Variants in HDHD2 observed in about 807,000 individuals in gnomAD.
HDHD2 encodes haloacid dehalogenase-like hydrolase domain-containing protein 2.
HDHD2 carries 26 observed loss-of-function variants against 24.8 expected under a neutral mutation model. The observed-to-expected ratio is 1.05, with a 90% CI of 0.77 to 1.45. The LOEUF (loss-of-function observed/expected upper bound fraction) is 1.45, where lower values mean the gene tolerates loss of function less well. HDHD2 is among the 40% of genes most tolerant of loss of function. The pLI is 0.00. For missense variants in HDHD2, 299 were observed against 313.4 expected (o/e 0.95, Z 0.35); for synonymous variants, 128 against 114.9 (o/e 1.11, Z -0.73).
At chr18:47,135,718 T>C (rs1028098514) in intron 2 of HDHD2, among the ~76,000 whole-genome samples, 1 of 152,220 alleles carries the variant, frequency 6.6e-6, no homozygotes, top group South Asian at 2.1e-4. Context: ...TGTGATTAGT[T>C]GATTTTTTTT....
In HDHD2 at chr18:47,121,904, G is replaced by A. The variant is rs568923761; in HGVS notation, c.396-6556C>T. On this transcript the variant is annotated intron_variant, in intron 4 of 6. Transcript: ENST00000300605. ...TCTTCCACTCATTTGTCAGGTTTCA[G>A]CTTAAATGTCAGCAAATCAAAGAAG... Among the ~76,000 whole-genome samples the A allele has an allele frequency of 5.3e-5, 8 of 152,222 alleles. No individual in the cohort carries two copies. The South Asian group carries it at 8.3e-4, about 16-fold the overall frequency.
chr18:47,149,729 T>C (rs2063910816), intron 1 of HDHD2, among the ~76,000 whole-genome samples: 1 of 152,124 alleles, frequency 6.6e-6, no homozygotes, highest in Non-Finnish European at 1.5e-5. Flanking sequence ...TGGGTCCAAC[T>C]CCTTTTCTCC....
In HDHD2 at chr18:47,108,096, G is replaced by C. The variant is rs1257311592; in HGVS notation, c.*586C>G. On this transcript the variant is annotated 3_prime_UTR_variant, in exon 7 of 7. Coordinates refer to ENST00000300605, the MANE Select transcript of HDHD2 (RefSeq NM_032124.5). Reference sequence around the variant, plus strand: ...CATCTCTGGCTAATGAAGAGAAAAAGAAGTCACCCGTGCTGGGAATACAGT... The same window carrying C: ...CATCTCTGGCTAATGAAGAGAAAAACAAGTCACCCGTGCTGGGAATACAGT... 1 of 152,600 alleles carries C rather than the reference G, an allele frequency of 6.6e-6. No homozygotes were observed. Among genetic ancestry groups the C allele is most frequent in the Admixed American group, 6.5e-5 (1 of 15,280 alleles). The allele number at this position is 152,600 out of a possible 1,614,324, so 9.5% of individuals were successfully genotyped here. A position where few individuals can be genotyped will look rare whatever the true frequency, so the allele number is the denominator to read the frequency against.
Position 47,134,338 on chromosome 18 carries a change from G to C in HDHD2, c.310+158C>G, listed in dbSNP as rs2063742515. 1.1e-5 allele frequency: 7 copies of C among 633,328 alleles called. No homozygotes were observed. The East Asian group carries it at 1.9e-4, about 17-fold the overall frequency. The allele number at this position is 633,328 out of a possible 1,614,324, so 39.2% of individuals were successfully genotyped here. A position where few individuals can be genotyped will look rare whatever the true frequency, so the allele number is the denominator to read the frequency against. On this transcript the variant is annotated intron_variant, in intron 3 of 6. Transcript: ENST00000300605. ...TACTGTGGATTACAGTCAAAAAAAG[G>C]TTTGGGAAATGCCAATTTAGATTCA...
At chr18:47,146,711 C>G (rs1464037549) in intron 1 of HDHD2, among the ~76,000 whole-genome samples, 2 of 152,108 alleles carry the variant, frequency 1.3e-5, no homozygotes, top group Non-Finnish European at 2.9e-5. Flanking sequence ...CGGAAATCTA[C>G]TAGAGGGTGA....
Position 47,130,292 on chromosome 18 carries a change from C to T in HDHD2, c.347G>A (p.Gly116Glu), listed in dbSNP as rs752246509. 1 of 1,608,280 alleles carries T rather than the reference C, an allele frequency of 6.2e-7. No individual in the cohort carries two copies. Among genetic ancestry groups the T allele is most frequent in the Non-Finnish European group, 8.5e-7 (1 of 1,176,480 alleles). Residue 116 changes from glycine to glutamate, a missense_variant, in exon 4 of 7, where the codon GGA becomes GAA. Coordinates refer to ENST00000300605, the MANE Select transcript of HDHD2 (RefSeq NM_032124.5). The part of the protein sequence containing the change: ...QTSDPNAVVM[G>E]LAPEHFHYQI... ...ATAATGAAAATGTTCTGGTGCCAAT[C>T]CCATGACCACAGCATTAGGATCACT... is the stretch of plus-strand genomic sequence containing the variant.
Position 47,108,485 on chromosome 18 carries a change from C to A in HDHD2, c.*197G>T. 2.3e-6 allele frequency: 1 copy of A among 429,852 alleles called. No individual in the cohort carries two copies. Among genetic ancestry groups the A allele is most frequent in the Non-Finnish European group, 4.1e-6 (1 of 246,390 alleles). The allele number at this position is 429,852 out of a possible 1,614,324, so 26.6% of individuals were successfully genotyped here. A position where few individuals can be genotyped will look rare whatever the true frequency, so the allele number is the denominator to read the frequency against. On this transcript the variant is annotated 3_prime_UTR_variant, in exon 7 of 7. Coordinates refer to ENST00000300605, the MANE Select transcript of HDHD2 (RefSeq NM_032124.5). ...TTTCTTTGGGTCTCATCTTCAGTTA[C>A]AAAATAAAAGAGATTAGCAAGGCTT...
At chr18:47,143,552 T>C (rs2063839234) in intron 1 of HDHD2, among the ~76,000 whole-genome samples, 1 of 152,238 alleles carries the variant, frequency 6.6e-6, no homozygotes. Context: ...TCCAGTTAAC[T>C]GAAGGTAACT....
At chr18:47,133,044 A>G (rs1287837013) in intron 3 of HDHD2, among the ~76,000 whole-genome samples, 2 of 152,060 alleles carry the variant, frequency 1.3e-5, no homozygotes, top group African/African-American at 4.8e-5. Flanking sequence ...TGTGCTCAAC[A>G]TGCAGGTTTG....
chr18:47,135,489 G>A (rs917500574), intron 2 of HDHD2, among the ~76,000 whole-genome samples: 2 of 151,982 alleles, frequency 1.3e-5, no homozygotes, highest in Non-Finnish European at 2.9e-5. Flanking sequence ...TCGAACTCCC[G>A]ACCTCAGGTG....
rs2063487418 is a variant in HDHD2 at position 47,107,959 on chromosome 18, T to C, written c.*723A>G. ...TGTAAAATACTGATAGTTTTAATTTTACATAAAATTTCCAAAACAACTGTT... is the reference window on the plus strand; with the variant it reads ...TGTAAAATACTGATAGTTTTAATTTCACATAAAATTTCCAAAACAACTGTT... On this transcript the variant is annotated 3_prime_UTR_variant, in exon 7 of 7. Coordinates refer to ENST00000300605, the MANE Select transcript of HDHD2 (RefSeq NM_032124.5). 1.3e-5 allele frequency: 2 copies of C among 152,696 alleles called. No homozygotes were observed. The highest frequency in any genetic ancestry group is 4.1e-4 in the South Asian group (2 of 4,836). The allele number at this position is 152,696 out of a possible 1,614,324, so 9.5% of individuals were successfully genotyped here.
chr18:47,141,784 C>T (rs2077190883), intron 1 of HDHD2, among the ~76,000 whole-genome samples: 1 of 152,144 alleles, frequency 6.6e-6, no homozygotes, highest in South Asian at 2.1e-4. Flanking sequence ...CTTGTCTTTT[C>T]CTGTAAGCTG....
chr18:47,131,244 T>G (rs1408346757), intron 3 of HDHD2, among the ~76,000 whole-genome samples: 1 of 152,164 alleles, frequency 6.6e-6, no homozygotes, highest in Non-Finnish European at 1.5e-5. Flanking sequence ...CCCAAAGTGC[T>G]AGGATTACAG....
intron 1 of HDHD2, among the ~76,000 whole-genome samples, chr18:47,138,562 T>C (rs1023848496): frequency 3.9e-5 from 6 of 152,220 alleles, no homozygotes; most frequent in African/African-American, 1.4e-4. Flanking sequence ...TATTACAAAC[T>C]TTCAACATAA....
intron 4 of HDHD2, among the ~76,000 whole-genome samples, chr18:47,120,425 TTCC>T (rs1177713517): frequency 6.6e-6 from 1 of 152,242 alleles, no homozygotes; most frequent in South Asian, 2.1e-4. Flanking sequence ...CTTCTGTAGC[TTCC>T]TCATCTCTCT....
intron 1 of HDHD2, chr18:47,137,289 C>T (rs1159923440): frequency 1.3e-5 from 6 of 454,918 alleles, no homozygotes; most frequent in Non-Finnish European, 2.1e-5. Context: ...CAGTAGCAGA[C>T]GAGGTGTCTA....
Position 47,132,249 on chromosome 18 carries a change from CTT to C in HDHD2, c.311-1923_311-1922del, listed in dbSNP as rs534960046. ...TTTAATATATCCTATGCAGAGCACT[CTT>C]TATCAAGAGATAGAACTTTTCATCA... On this transcript the variant is annotated intron_variant, in intron 3 of 6. Coordinates refer to ENST00000300605, the MANE Select transcript of HDHD2 (RefSeq NM_032124.5). Among the ~76,000 whole-genome samples the C allele has an allele frequency of 7.0e-4, 106 of 152,248 alleles. 1 individual carries two copies. The highest frequency in any genetic ancestry group is 2.5e-3 in the African/African-American group (102 of 41,556).
chr18:47,116,906 T>C (rs1243140827), intron 4 of HDHD2, among the ~76,000 whole-genome samples: 1 of 152,204 alleles, frequency 6.6e-6, no homozygotes, highest in African/African-American at 2.4e-5. Flanking sequence ...ATCAGCTTGA[T>C]TGATGTGTGT....
chr18:47,129,391 T>G (rs2063690466), intron 4 of HDHD2, among the ~76,000 whole-genome samples: 1 of 152,116 alleles, frequency 6.6e-6, no homozygotes. Context: ...CTGATGTCTC[T>G]CTGCTTGAAT....
Sources: allele counts gnomAD v4.1 joint callset (sites outside exome capture counted in the v4.1 genomes callset), GRCh38; gene constraint gnomAD v4.1.1; transcripts MANE v1.5; gene names NCBI Gene and HGNC (gene_info 2026-07-23, HGNC 2026-07-21).